Variants in ZNF33B observed in about 807,000 individuals in gnomAD.
ZNF33B encodes the protein zinc finger protein 11b (KOX 2).
In ZNF33B, 29 loss-of-function variants were observed where a neutral mutation model predicts 45.8. The ratio of observed to expected loss-of-function variants is 0.63; its 90% CI spans 0.47 to 0.86. ZNF33B has a LOEUF of 0.86. ZNF33B is among the 40% of genes least tolerant of loss of function. The probability of loss-of-function intolerance (pLI) is 0.00; values close to 1 mark genes in which losing one functional copy is unlikely to be tolerated. For synonymous variants in ZNF33B, 305 were observed against 307.8 expected, an observed-to-expected ratio of 0.99 and a Z score of 0.10; for missense variants, 831 against 909.9, an observed-to-expected ratio of 0.91 and a Z score of 1.12.
downstream of ZNF33B, among the ~76,000 whole-genome samples, chr10:42,586,764 G>T (rs1199360726): frequency 6.6e-6 from 1 of 152,218 alleles, no homozygotes; most frequent in Non-Finnish European, 1.5e-5. Context: ...TTCCTCATGT[G>T]CAGAGATGAG....
intron 1 of ZNF33B, among the ~76,000 whole-genome samples, chr10:42,583,791 C>A (rs1564488855): frequency 6.6e-6 from 1 of 152,132 alleles, no homozygotes; most frequent in South Asian, 2.1e-4. Flanking sequence ...TAAAGCCCAA[C>A]AGATGTCACT....
At chr10:42,612,331 G>A (rs1405392509) in intron 4 of ZNF33B, among the ~76,000 whole-genome samples, 1 of 150,892 alleles carries the variant, frequency 6.6e-6, no homozygotes, top group Non-Finnish European at 1.5e-5. Context: ...TGCGTTCCAG[G>A]TTCTAAGCGA....
At chr10:42,618,249 A>T in intron 4 of ZNF33B, among the ~76,000 whole-genome samples, 1 of 152,190 alleles carries the variant, frequency 6.6e-6, no homozygotes, top group Middle Eastern at 3.2e-3. Flanking sequence ...ATCTCTTGAG[A>T]TTCATCCATA....
In ZNF33B at chr10:42,593,773, C is replaced by T; in HGVS notation, c.1177G>A (p.Ala393Thr). The stretch of plus-strand genomic sequence containing the variant: ...GTGAGGGCTGACTTATGGCTAAAGG[C>T]TTTCCCACATTCATTGCATTCAAAA... ...KPFECNECGK[A>T]FSHKSALTLH... The change falls in exon 5 of 5, where the codon GCC becomes ACC. Residue 393 changes from alanine to threonine, a missense_variant. Transcript: ENST00000359467. The T allele has an allele frequency of 1.2e-6, 2 of 1,612,786 alleles. No homozygotes were observed. Among genetic ancestry groups the T allele is most frequent in the Non-Finnish European group, 1.7e-6 (2 of 1,179,522 alleles).
chr10:42,631,069 T>C (rs565890873), intron 4 of ZNF33B, among the ~76,000 whole-genome samples: 1 of 152,308 alleles, frequency 6.6e-6, no homozygotes, highest in Non-Finnish European at 1.5e-5. Flanking sequence ...CTCAGTAAGG[T>C]TTCCCCTGAC....
Position 42,615,027 on chromosome 10 carries a change from T to C in ZNF33B, c.250+16902A>G, listed in dbSNP as rs1838254331. On this transcript the variant is annotated intron_variant, in intron 4 of 4. Coordinates refer to ENST00000359467, the MANE Select transcript of ZNF33B (RefSeq NM_006955.3). ...AAAAAACCACAATGAGATACCTCTT[T>C]ACAACTACTGGATTGGTATAATAAA... Among the ~76,000 whole-genome samples the C allele has an allele frequency of 1.3e-5, 2 of 152,086 alleles. 1 individual carries two copies. The highest frequency in any genetic ancestry group is 3.8e-4 in the East Asian group (2 of 5,204).
At chr10:42,602,478 T>C (rs1837670368) in intron 4 of ZNF33B, among the ~76,000 whole-genome samples, 1 of 152,218 alleles carries the variant, frequency 6.6e-6, no homozygotes, top group East Asian at 1.9e-4. Flanking sequence ...TGTTTTCCCA[T>C]ATGTCTGTAA....
intron 1 of ZNF33B, among the ~76,000 whole-genome samples, 191 bp downstream of exon 1, chr10:42,638,283 C>G (rs1564534051): frequency 6.6e-6 from 1 of 152,284 alleles, no homozygotes; most frequent in African/African-American, 2.4e-5. Flanking sequence ...GCGTAGCCCG[C>G]TCCCTACAGA....
Position 42,635,448 on chromosome 10 carries a change from C to T in ZNF33B, c.9+1472G>A, listed in dbSNP as rs11239713. ...TTTTGACGTATGTATTCATTATTTG[C>T]GCCATGGATTTGTAATAATTCATTA... On this transcript the variant is annotated intron_variant, in intron 2 of 4. Transcript: ENST00000359467. Among the ~76,000 whole-genome samples, 813 of 152,130 alleles carry T rather than the reference C, an allele frequency of 5.3e-3. 29 individuals are homozygous for T. In the East Asian group the frequency reaches 0.081, roughly 15 times the overall value.
chr10:42,603,664 G>C (rs1326952483), intron 4 of ZNF33B, among the ~76,000 whole-genome samples: 1 of 152,170 alleles, frequency 6.6e-6, no homozygotes, highest in Non-Finnish European at 1.5e-5. Context: ...AGCAAACTAA[G>C]AGCAACATAT....
intron 4 of ZNF33B, among the ~76,000 whole-genome samples, chr10:42,619,211 A>G (rs1304317007): frequency 1.3e-5 from 2 of 152,188 alleles, no homozygotes; most frequent in Non-Finnish European, 2.9e-5. Flanking sequence ...AGTGAATGCT[A>G]AATCAGGAAA....
intron 4 of ZNF33B, among the ~76,000 whole-genome samples, chr10:42,608,433 A>T (rs1320654251): frequency 1.3e-5 from 2 of 152,202 alleles, no homozygotes; most frequent in Non-Finnish European, 2.9e-5. Flanking sequence ...AACATTCCCC[A>T]GAATAAATTT....
At chr10:42,636,792 C>G (rs150391697) in intron 2 of ZNF33B, 128 bp downstream of exon 2, 3 of 1,334,992 alleles carry the variant, frequency 2.2e-6, no homozygotes, top group Non-Finnish European at 1.1e-6. Context: ...GGAGACACTG[C>G]GCTCCAGCCT....
chr10:42,588,534 C>G (rs566692807), downstream of ZNF33B, among the ~76,000 whole-genome samples: 1 of 152,178 alleles, frequency 6.6e-6, no homozygotes, highest in East Asian at 1.9e-4. Flanking sequence ...CACTCTGATG[C>G]TATAGAAAGG....
At chr10:42,601,929 T>G (rs866239682) in intron 4 of ZNF33B, among the ~76,000 whole-genome samples, 11 of 102,502 alleles carry the variant, frequency 1.1e-4, no homozygotes, top group South Asian at 3.2e-4. Flanking sequence ...TTTTTTTTTT[T>G]TGGGGGGAGA....
chr10:42,620,407 ATTTAT>A, intron 4 of ZNF33B, among the ~76,000 whole-genome samples: 1 of 151,778 alleles, frequency 6.6e-6, no homozygotes. Flanking sequence ...GATTTGATTG[ATTTAT>A]TTATTTTTTA....
intron 2 of ZNF33B, 57 bp from the exon 3 acceptor site, chr10:42,632,496 T>C: frequency 1.9e-6 from 3 of 1,566,056 alleles, no homozygotes; most frequent in South Asian, 2.4e-5. Flanking sequence ...ATCCTTACCA[T>C]GATTATTATT....
At chr10:42,580,807 T>C (rs1255112363) in intron 1 of ZNF33B, among the ~76,000 whole-genome samples, 6 of 151,498 alleles carry the variant, frequency 4.0e-5, no homozygotes, top group African/African-American at 9.7e-5. Flanking sequence ...TGGCAGAGAA[T>C]TGCTTGAACC....
Position 42,594,306 on chromosome 10 carries a change from A to T in ZNF33B, c.644T>A (p.Leu215Ter). Residue 215 changes from leucine (L) to a stop codon, truncating the protein, a stop_gained, in exon 5 of 5, where the codon TTA becomes TAA. Transcript: ENST00000359467. LOFTEE classifies it low-confidence loss of function (END_TRUNC). ...NTLQHEKIQT[L>*]DHNFEYSICQ... ...TATACTGTATTCAAAATTGTGGTCTAAAGTTTGAATCTTCTCATGCTGCAA... is the reference window on the plus strand; with the variant it reads ...TATACTGTATTCAAAATTGTGGTCTTAAGTTTGAATCTTCTCATGCTGCAA... 6.2e-7 allele frequency: 1 copy of T among 1,613,904 alleles called. No individual in the cohort carries two copies. The highest frequency in any genetic ancestry group is 8.5e-7 in the Non-Finnish European group (1 of 1,179,900).
Sources: allele counts gnomAD v4.1 joint callset (sites outside exome capture counted in the v4.1 genomes callset), GRCh38; gene constraint gnomAD v4.1.1; transcripts MANE v1.5; gene names NCBI Gene and HGNC (gene_info 2026-07-23, HGNC 2026-07-21).